The following TMEM132E variants were observed in gnomAD, a reference collection of about 807,000 sequenced individuals.
The protein encoded by TMEM132E is transmembrane protein 132E.
Under a neutral mutation model 78.5 loss-of-function variants are expected in TMEM132E, and 49 were observed. The observed-to-expected ratio is 0.62, with a 90% confidence interval of 0.50 to 0.79. The LOEUF (loss-of-function observed/expected upper bound fraction) is 0.79. Ranked by LOEUF, TMEM132E falls within the 30% of genes least tolerant of loss-of-function variation. The pLI is 0.00. For synonymous variants in TMEM132E, 715 were observed against 670.6 expected, an observed-to-expected ratio of 1.07 and a Z score of -1.02; for missense variants, 1,403 against 1,470.9, an observed-to-expected ratio of 0.95 and a Z score of 0.75.
intron 1 of TMEM132E, among the ~76,000 whole-genome samples, chr17:34,584,522 C>A (rs948722442): frequency 2.0e-5 from 3 of 152,226 alleles, no homozygotes; most frequent in Non-Finnish European, 4.4e-5. Context: ...CTTACCTGTG[C>A]AATCCTCCTG....
At position 34,638,266 on chromosome 17, in the gene TMEM132E, C is replaced by CCAA. The variant is rs2062997965; in HGVS notation, c.*36_*38dup. 2.2e-5 allele frequency: 32 copies of CCAA among 1,463,306 alleles called. No homozygotes were observed. In the South Asian group the frequency reaches 3.1e-4, roughly 14 times the overall value. 90.6% of individuals were successfully genotyped at this position (1,463,306 alleles called of 1,614,324 possible). A position where few individuals can be genotyped will look rare whatever the true frequency, so the allele number is the denominator to read the frequency against. ...GCCGGAGTAGCAGGGACCCCCCCCC[C>CCAA]CAACGGGGTCAGCTCGGGGTAGGAC... On this transcript the variant is annotated 3_prime_UTR_variant, in exon 9 of 9. Coordinates refer to ENST00000631683, the MANE Select transcript of TMEM132E (RefSeq NM_001304438.2).
intron 1 of TMEM132E, among the ~76,000 whole-genome samples, chr17:34,600,188 T>C (rs887476183): frequency 1.3e-5 from 2 of 152,250 alleles, no homozygotes; most frequent in African/African-American, 4.8e-5. Flanking sequence ...AACCACTCTT[T>C]AGTCTCATTA....
chr17:34,595,137 A>G (rs970164380), intron 1 of TMEM132E, among the ~76,000 whole-genome samples: 9 of 152,260 alleles, frequency 5.9e-5, no homozygotes, highest in African/African-American at 2.2e-4. Context: ...CTCCAGCAGC[A>G]TCATGGAGTA....
At chr17:34,598,800 C>T (rs775669851) in intron 1 of TMEM132E, among the ~76,000 whole-genome samples, 24 of 152,210 alleles carry the variant, frequency 1.6e-4, no homozygotes, top group Non-Finnish European at 3.4e-4. Context: ...GCCTCTGAGA[C>T]CCAGGCTGGG....
chr17:34,629,786 G>T (rs1437446796), intron 4 of TMEM132E, among the ~76,000 whole-genome samples: 1 of 152,140 alleles, frequency 6.6e-6, no homozygotes, highest in Non-Finnish European at 1.5e-5. Flanking sequence ...GCACAGTGAG[G>T]TGGACCCTGA....
chr17:34,629,923 A>T, intron 4 of TMEM132E, 85 bp from the exon 5 acceptor site: 1 of 1,282,922 alleles, frequency 7.8e-7, no homozygotes, highest in Non-Finnish European at 1.0e-6. Context: ...GTGGGGGGGG[A>T]GCGTCCAGGA....
chr17:34,613,211 A>ACACACACACACACGCGCGCGCGCG, intron 1 of TMEM132E, among the ~76,000 whole-genome samples: 3 of 115,856 alleles, frequency 2.6e-5, no homozygotes, highest in Non-Finnish European at 5.5e-5. Flanking sequence ...ACACACACAC[A>ACACACACACACACGCGCGCGCGCG]CGCGCGCGCG....
At chr17:34,610,434 G>T (rs1417058238) in intron 1 of TMEM132E, among the ~76,000 whole-genome samples, 1 of 152,248 alleles carries the variant, frequency 6.6e-6, no homozygotes, top group African/African-American at 2.4e-5. Flanking sequence ...CTAAGAGAAA[G>T]TAAAACATGC....
At chr17:34,617,933 C>A (rs1273294182) in intron 1 of TMEM132E, among the ~76,000 whole-genome samples, 3 of 152,158 alleles carry the variant, frequency 2.0e-5, no homozygotes, top group Non-Finnish European at 2.9e-5. Flanking sequence ...ATCCCCACCC[C>A]CTAGAGATAA....
At chr17:34,596,914 T>C (rs1158684668) in intron 1 of TMEM132E, among the ~76,000 whole-genome samples, 2 of 148,346 alleles carry the variant, frequency 1.3e-5, no homozygotes. Flanking sequence ...ACTGCCTGCC[T>C]GACCGGAATC....
At chr17:34,581,416 T>A (rs911745147) in intron 1 of TMEM132E, among the ~76,000 whole-genome samples, 4 of 151,654 alleles carry the variant, frequency 2.6e-5, no homozygotes, top group African/African-American at 9.7e-5. Context: ...CCCGAAGGTC[T>A]GGGGTCGTGT....
intron 1 of TMEM132E, among the ~76,000 whole-genome samples, chr17:34,619,576 A>T (rs985496805): frequency 2.0e-5 from 3 of 151,844 alleles, no homozygotes; most frequent in Non-Finnish European, 4.4e-5. Flanking sequence ...GGTACTTGTC[A>T]CCATTAACTA....
At chr17:34,611,577 G>A (rs1270999439) in intron 1 of TMEM132E, among the ~76,000 whole-genome samples, 1 of 152,194 alleles carries the variant, frequency 6.6e-6, no homozygotes, top group South Asian at 2.1e-4. Context: ...AGGCTTGGAG[G>A]GGTGGTTAGA....
At chr17:34,625,205 G>A (rs1009433901) in intron 1 of TMEM132E, among the ~76,000 whole-genome samples, 1 of 152,202 alleles carries the variant, frequency 6.6e-6, no homozygotes, top group African/African-American at 2.4e-5. Context: ...CAGGGAGGGA[G>A]GACAAGGGGC....
intron 1 of TMEM132E, among the ~76,000 whole-genome samples, chr17:34,611,823 ACCC>A (rs1248718496): frequency 1.3e-5 from 2 of 151,980 alleles, no homozygotes; most frequent in East Asian, 3.9e-4. Flanking sequence ...TCCATCCTCC[ACCC>A]CCAACAGAAG....
In TMEM132E at chr17:34,580,113, C is replaced by A. The variant is rs1022948933; in HGVS notation, c.-964C>A. 2.6e-5 allele frequency: 4 copies of A among 152,402 alleles called. No homozygotes were observed. Among genetic ancestry groups the A allele is most frequent in the Admixed American group, 1.3e-4 (2 of 15,294 alleles). 9.4% of individuals were successfully genotyped at this position (152,402 alleles called of 1,614,324 possible). On this transcript the variant is annotated 5_prime_UTR_variant, in exon 1 of 9. Transcript: ENST00000631683. ...CCTTAGCGGGGTGGCCCGGAGCTGC[C>A]GTGAGCTGCAGGAGCCCCTCTGCAT...
rs62063920 is a variant in TMEM132E at position 34,580,947 on chromosome 17, T to C, written c.-130T>C. On this transcript the variant is annotated 5_prime_UTR_variant, in exon 1 of 9. Coordinates refer to ENST00000631683, the MANE Select transcript of TMEM132E (RefSeq NM_001304438.2). ...CAAAGTGTCCCCGAATTGCACTCTCTGGTCCCGGAGCTGCATCTGAGACAG... is the reference window on the plus strand; with the variant it reads ...CAAAGTGTCCCCGAATTGCACTCTCCGGTCCCGGAGCTGCATCTGAGACAG... 1.3e-5 allele frequency: 8 copies of C among 631,734 alleles called. No individual in the cohort carries two copies. Among genetic ancestry groups the C allele is most frequent in the African/African-American group, 1.9e-5 (1 of 52,650 alleles). The allele number at this position is 631,734 out of a possible 1,614,324, so 39.1% of individuals were successfully genotyped here. A position where few individuals can be genotyped will look rare whatever the true frequency, so the allele number is the denominator to read the frequency against.
At chr17:34,627,467 C>CGTGTGTGCGTGCGCGCGCGCGTGT (rs1555564416) in intron 2 of TMEM132E, among the ~76,000 whole-genome samples, 259 of 126,540 alleles carry the variant, frequency 2.0e-3, no homozygotes, top group African/African-American at 6.9e-3. Context: ...CCAAAAGAAT[C>CGTGTGTGCGTGCGCGCGCGCGTGT]GTGTGTGTGT....
intron 1 of TMEM132E, among the ~76,000 whole-genome samples, chr17:34,603,039 T>C (rs755107079): frequency 6.6e-6 from 1 of 152,132 alleles, no homozygotes; most frequent in Non-Finnish European, 1.5e-5. Flanking sequence ...GGCTGTGTCC[T>C]CCCAGCCTAG....
Sources: gnomAD v4.1 joint callset for allele counts (sites outside exome capture counted in the v4.1 genomes callset) on GRCh38, gnomAD v4.1.1 for gene constraint, MANE v1.5 for transcripts, NCBI Gene and HGNC (gene_info 2026-07-23, HGNC 2026-07-21) for gene names.